CHD2: variants seen among roughly 807,000 people sequenced by gnomAD.
The protein encoded by CHD2 is ATP-dependent chromatin remodeler CHD2.
Under a neutral mutation model 243.9 loss-of-function variants are expected in CHD2, and 28 were observed. That is an observed-to-expected ratio of 0.11 (90% CI 0.09 to 0.16). The LOEUF is 0.16. Among genes scored for constraint, CHD2 ranks in the 10% least tolerant of loss-of-function variants. The pLI is 1.00. For synonymous variants in CHD2, 775 were observed against 779.0 expected (o/e 0.99, Z 0.09); for missense variants, 1,386 against 2,209.8 (o/e 0.63, Z 7.47).
At chr15:92,960,585 A>G (rs1250391957) in intron 16 of CHD2, among the ~76,000 whole-genome samples, 1 of 151,864 alleles carries the variant, frequency 6.6e-6, no homozygotes, top group African/African-American at 2.4e-5. Flanking sequence ...CTTTTTAGAC[A>G]TTAGGCCAAC....
chr15:92,973,612 G>A (rs1454304683), intron 19 of CHD2, among the ~76,000 whole-genome samples: 2 of 152,126 alleles, frequency 1.3e-5, no homozygotes, highest in African/African-American at 2.4e-5. Flanking sequence ...TCTTTCAGTT[G>A]CTGTCTTAGA....
chr15:93,027,371 T>C lies in CHD2; in HGVS notation c.*2666T>C, dbSNP rs1408344093. On this transcript the variant is annotated 3_prime_UTR_variant, in exon 39 of 39. Transcript: ENST00000394196. ...CCTAAAACCTGCACGTGAACAAGGG[T>C]TGACATGATACACTATGGCCTTAGA... is the stretch of plus-strand genomic sequence containing the variant. 3.3e-5 allele frequency: 5 copies of C among 152,064 alleles called. No homozygotes were observed. Among genetic ancestry groups the C allele is most frequent in the African/African-American group, 7.3e-5 (3 of 41,374 alleles). 9.4% of individuals were successfully genotyped at this position (152,064 alleles called of 1,614,324 possible). A position where few individuals can be genotyped will look rare whatever the true frequency, so the allele number is the denominator to read the frequency against.
chr15:92,907,245 T>C (rs544736282), intron 2 of CHD2, among the ~76,000 whole-genome samples: 1 of 152,226 alleles, frequency 6.6e-6, no homozygotes, highest in Non-Finnish European at 1.5e-5. Context: ...GACATAGATA[T>C]GTGGTAGCCA....
In CHD2 at chr15:92,901,318, C is replaced by G; in HGVS notation, c.62+19C>G. On this transcript the variant is annotated intron_variant, in intron 2 of 38. Coordinates refer to ENST00000394196, the MANE Select transcript of CHD2 (RefSeq NM_001271.4). ...CATCGAGGTATGAGCTATCAACTTT[C>G]TTCCTTTTTGTCTTTTTTTTTGGGG... 3 of 1,560,852 alleles carry G rather than the reference C, an allele frequency of 1.9e-6. No individual in the cohort carries two copies. The highest frequency in any genetic ancestry group is 2.6e-6 in the Non-Finnish European group (3 of 1,136,082).
chr15:92,906,419 C>T (rs753585634), intron 2 of CHD2, among the ~76,000 whole-genome samples: 3 of 152,168 alleles, frequency 2.0e-5, no homozygotes, highest in Non-Finnish European at 4.4e-5. Context: ...CAAGTTATTG[C>T]TTGAGGAGTG....
intron 5 of CHD2, among the ~76,000 whole-genome samples, chr15:92,934,746 G>A (rs984056867): frequency 1.3e-5 from 2 of 151,944 alleles, no homozygotes; most frequent in East Asian, 1.9e-4. Flanking sequence ...CTTTTTTCTC[G>A]TTCTTGAAAA....
chr15:92,933,160 C>T (rs2141764502), intron 5 of CHD2, among the ~76,000 whole-genome samples: 1 of 151,930 alleles, frequency 6.6e-6, no homozygotes, highest in South Asian at 2.1e-4. Flanking sequence ...TTGCTTCAGT[C>T]TCCCCAGTAG....
At chr15:92,970,183 A>G (rs2141833991) in intron 17 of CHD2, among the ~76,000 whole-genome samples, 2 of 152,116 alleles carry the variant, frequency 1.3e-5, no homozygotes, top group Middle Eastern at 6.8e-3. Context: ...ATTCTAGTCC[A>G]TCTTTCCCCA....
rs1596453332 is a variant in CHD2, at chr15:93,006,455, C to T, written c.4413+1704C>T. On this transcript the variant is annotated intron_variant, in intron 34 of 38. Transcript: ENST00000394196. ...TCTCTCTCTTACCTCCCAGACGTAA[C>T]CATGATTCTGAATTCGATGTTTATA... Among the ~76,000 whole-genome samples, 3 of 152,106 alleles carry T rather than the reference C, an allele frequency of 2.0e-5. No individual in the cohort carries two copies. The South Asian group carries it at 6.2e-4, about 32-fold the overall frequency.
rs2054596786 is a variant in CHD2 at position 93,027,655 on chromosome 15, C to G, written c.*2950C>G. 1.3e-5 allele frequency: 2 copies of G among 152,764 alleles called. No homozygotes were observed. The highest frequency in any genetic ancestry group is 6.5e-5 in the Admixed American group (1 of 15,290). The allele number at this position is 152,764 out of a possible 1,614,324, so 9.5% of individuals were successfully genotyped here. A position where few individuals can be genotyped will look rare whatever the true frequency, so the allele number is the denominator to read the frequency against. On this transcript the variant is annotated 3_prime_UTR_variant, in exon 39 of 39. Coordinates refer to ENST00000394196, the MANE Select transcript of CHD2 (RefSeq NM_001271.4). Reference sequence around the variant, plus strand: ...ATCCTACAGACCAAAATCCACTTGTCAGCAGGAGCAGCAGCCCAGGCCCAG... The same window carrying G: ...ATCCTACAGACCAAAATCCACTTGTGAGCAGGAGCAGCAGCCCAGGCCCAG...
In CHD2 at chr15:93,026,930, CTT is replaced by C. The variant is rs2054591161; in HGVS notation, c.*2226_*2227del. On this transcript the variant is annotated 3_prime_UTR_variant, in exon 39 of 39. Transcript: ENST00000394196. ...TTTCCACAGTCATCAGGGCTTCTCT[CTT>C]GAGTTGCTGATAGGAGATGTGAGTT... 1 of 152,600 alleles carries C rather than the reference CTT, an allele frequency of 6.6e-6. No homozygotes were observed. Among genetic ancestry groups the C allele is most frequent in the Non-Finnish European group, 1.5e-5 (1 of 68,046 alleles). 9.5% of individuals were successfully genotyped at this position (152,600 alleles called of 1,614,324 possible). A position where few individuals can be genotyped will look rare whatever the true frequency, so the allele number is the denominator to read the frequency against.
At chr15:92,904,782 C>G (rs1469100784) in intron 2 of CHD2, 1 of 1,413,476 alleles carries the variant, frequency 7.1e-7, no homozygotes, top group South Asian at 1.6e-5. Context: ...TCTCCCCGCC[C>G]CCGTTCAGTG....
chr15:93,019,887 C>A, intron 37 of CHD2, 125 bp from the exon 38 acceptor site: 1 of 1,117,100 alleles, frequency 9.0e-7, no homozygotes. Context: ...GATCTAAGAT[C>A]GTGCCACTGC....
intron 3 of CHD2, among the ~76,000 whole-genome samples, chr15:92,926,880 T>C (rs2053071927): frequency 6.6e-6 from 1 of 152,218 alleles, no homozygotes; most frequent in Admixed American, 6.5e-5. Flanking sequence ...TGTGGGTTAG[T>C]GCAGTCAAGA....
chr15:93,000,180 C>T lies in CHD2; in HGVS notation c.4009-332C>T, dbSNP rs960523397. Among the ~76,000 whole-genome samples the T allele has an allele frequency of 5.9e-5, 9 of 152,106 alleles. No homozygotes were observed. The East Asian group carries it at 1.2e-3, about 20-fold the overall frequency. ...ACTCGAGAGGCTGAGGCAGGAGAAT[C>T]GCTTGAACCCGGGAGGCAGAGGTTG... is the stretch of plus-strand genomic sequence containing the variant. On this transcript the variant is annotated intron_variant, in intron 31 of 38. Coordinates refer to ENST00000394196, the MANE Select transcript of CHD2 (RefSeq NM_001271.4).
intron 2 of CHD2, among the ~76,000 whole-genome samples, chr15:92,914,285 CA>C (rs1407183167): frequency 6.6e-6 from 1 of 152,232 alleles, no homozygotes; most frequent in Non-Finnish European, 1.5e-5. Context: ...TGGTTATTTA[CA>C]AAGACTTTTG....
chr15:93,014,296 A>G (rs2054431044), intron 36 of CHD2, among the ~76,000 whole-genome samples: 1 of 152,146 alleles, frequency 6.6e-6, no homozygotes, highest in Non-Finnish European at 1.5e-5. Flanking sequence ...TGACTTGGGC[A>G]TAGGAGTTAG....
intron 16 of CHD2, among the ~76,000 whole-genome samples, chr15:92,957,352 C>T (rs1305275837): frequency 2.0e-5 from 3 of 152,196 alleles, no homozygotes; most frequent in Admixed American, 6.5e-5. Flanking sequence ...CTTCACATGG[C>T]CAACCACCTT....
intron 2 of CHD2, among the ~76,000 whole-genome samples, chr15:92,909,940 G>A (rs1026307797): frequency 3.2e-4 from 4 of 12,606 alleles, no homozygotes; most frequent in Non-Finnish European, 7.4e-4. Flanking sequence ...AGGGTTTTAC[G>A]TGTGTGTGTG....
Sources: allele counts gnomAD v4.1 joint callset (sites outside exome capture counted in the v4.1 genomes callset), GRCh38; gene constraint gnomAD v4.1.1; transcripts MANE v1.5; gene names NCBI Gene and HGNC (gene_info 2026-07-23, HGNC 2026-07-21).